Variants in LNX2 observed in about 807,000 individuals in gnomAD.
LNX2 encodes the protein ligand of Numb protein X 2.
LNX2 carries 35 observed loss-of-function variants against 66.2 expected under a neutral mutation model. That is an observed-to-expected ratio of 0.53 (90% CI 0.40 to 0.70). The LOEUF is 0.70. LNX2 is among the 30% of genes least tolerant of loss of function. The pLI, the probability that LNX2 is intolerant of heterozygous loss-of-function variation, is 0.00. For missense variants in LNX2, 791 were observed against 850.8 expected (o/e 0.93, Z 0.87); for synonymous variants, 337 against 315.6 (o/e 1.07, Z -0.72).
intron 1 of LNX2, among the ~76,000 whole-genome samples, chr13:27,583,164 G>GCAGCAGT (rs1955421934): frequency 7.0e-6 from 1 of 143,222 alleles, no homozygotes; most frequent in African/African-American, 2.6e-5. Context: ...CTTACTCAGA[G>GCAGCAGT]CAGCAGTGTG....
intron 1 of LNX2, among the ~76,000 whole-genome samples, chr13:27,583,864 G>C (rs1955453199): frequency 6.6e-6 from 1 of 152,068 alleles, no homozygotes; most frequent in Non-Finnish European, 1.5e-5. Context: ...ACTATGGAGA[G>C]ACATGAAAAG....
intron 2 of LNX2, among the ~76,000 whole-genome samples, chr13:27,578,540 T>C (rs1241249327): frequency 6.6e-6 from 1 of 152,162 alleles, no homozygotes; most frequent in Non-Finnish European, 1.5e-5. Context: ...TCCTTGGATA[T>C]GGGTGGGTTT....
chr13:27,546,948 G>C lies in LNX2; in HGVS notation c.*1387C>G, dbSNP rs1333140622. ...AAATATGAAATAGTCTAGTGACTGA[G>C]AGCTGACTGAAAGATACATCTAAAA... On this transcript the variant is annotated 3_prime_UTR_variant, in exon 10 of 10. Transcript: ENST00000316334. The C allele has an allele frequency of 6.6e-6, 1 of 152,112 alleles. No individual in the cohort carries two copies. Among genetic ancestry groups the C allele is most frequent in the African/African-American group, 2.4e-5 (1 of 41,440 alleles). The allele number at this position is 152,112 out of a possible 1,614,324, so 9.4% of individuals were successfully genotyped here. A position where few individuals can be genotyped will look rare whatever the true frequency, so the allele number is the denominator to read the frequency against.
chr13:27,601,090 G>T (rs1955653375), intron 1 of LNX2, among the ~76,000 whole-genome samples: 1 of 152,102 alleles, frequency 6.6e-6, no homozygotes, highest in Admixed American at 6.5e-5. Context: ...ATTACTACAG[G>T]CTGGACATTA....
chr13:27,556,868 C>T lies in LNX2; in HGVS notation c.1369-455G>A, dbSNP rs890490628. Among the ~76,000 whole-genome samples, 7 of 150,548 alleles carry T rather than the reference C, an allele frequency of 4.6e-5. No individual in the cohort carries two copies. The East Asian group carries it at 7.9e-4, about 17-fold the overall frequency. On this transcript the variant is annotated intron_variant, in intron 6 of 9. Transcript: ENST00000316334. Reference sequence around the variant, plus strand: ...TTGGCAACTGCCAGAAAAAGGTCATCGACCTATCTCCTGATTCTCACTGAC... The same window carrying T: ...TTGGCAACTGCCAGAAAAAGGTCATTGACCTATCTCCTGATTCTCACTGAC...
At chr13:27,578,302 A>G (rs1419564252) in intron 2 of LNX2, among the ~76,000 whole-genome samples, 1 of 152,216 alleles carries the variant, frequency 6.6e-6, no homozygotes, top group African/African-American at 2.4e-5. Context: ...CTTTTATACA[A>G]TGACTCTTTG....
chr13:27,567,601 C>A, intron 4 of LNX2, 39 bp downstream of exon 4: 1 of 1,574,520 alleles, frequency 6.4e-7, no homozygotes, highest in Non-Finnish European at 8.7e-7. Context: ...AAGAATGGAA[C>A]AAAAAGGCAC....
intron 1 of LNX2, among the ~76,000 whole-genome samples, chr13:27,609,973 T>C (rs1955756865): frequency 6.6e-6 from 1 of 152,250 alleles, no homozygotes; most frequent in Non-Finnish European, 1.5e-5. Context: ...AATTAGTCTA[T>C]TGAAGTATCA....
intron 5 of LNX2, among the ~76,000 whole-genome samples, 191 bp downstream of exon 5, chr13:27,562,222 T>C (rs1955143807): frequency 6.6e-6 from 1 of 152,216 alleles, no homozygotes; most frequent in Admixed American, 6.5e-5. Context: ...CACAGGGATA[T>C]AGTTTTTAGA....
At chr13:27,583,971 G>A (rs1380253401) in intron 1 of LNX2, among the ~76,000 whole-genome samples, 1 of 152,092 alleles carries the variant, frequency 6.6e-6, no homozygotes, top group African/African-American at 2.4e-5. Context: ...ATCAGCCAGA[G>A]AGAAAAAATG....
intron 1 of LNX2, among the ~76,000 whole-genome samples, chr13:27,602,537 G>GTATA (rs34094717): frequency 0.57 from 86,807 of 151,466 alleles, 25,974 homozygotes; most frequent in African/African-American, 0.75. Flanking sequence ...CTATGCTGTG[G>GTATA]TATATATCAG....
intron 1 of LNX2, among the ~76,000 whole-genome samples, chr13:27,604,814 T>C (rs1955696476): frequency 6.6e-6 from 1 of 151,106 alleles, no homozygotes; most frequent in Non-Finnish European, 1.5e-5. Context: ...TAAATTGCCA[T>C]TTCCTATTGA....
chr13:27,572,396 T>A (rs1050883070), intron 2 of LNX2, among the ~76,000 whole-genome samples: 1 of 152,118 alleles, frequency 6.6e-6, no homozygotes, highest in Non-Finnish European at 1.5e-5. Context: ...TCTAATTAGA[T>A]TGAGGTAGGC....
intron 1 of LNX2, among the ~76,000 whole-genome samples, chr13:27,604,233 G>A (rs540402552): frequency 2.0e-5 from 3 of 152,188 alleles, no homozygotes; most frequent in Non-Finnish European, 4.4e-5. Flanking sequence ...GCGACAGAGC[G>A]AGACTCCGTC....
rs60116991 is a variant in LNX2, at chr13:27,583,257, C to T, written c.-100-1454G>A. On this transcript the variant is annotated intron_variant, in intron 1 of 9. Transcript: ENST00000316334. ...GTGTGTGTGTGTGTGTGTGTGTGTGCGCGCGTCCTCTCCAACATACTTATT... is the reference window on the plus strand; with the variant it reads ...GTGTGTGTGTGTGTGTGTGTGTGTGTGCGCGTCCTCTCCAACATACTTATT... 9.4e-4 allele frequency among the ~76,000 whole-genome samples: 25 copies of T among 26,670 alleles called. 2 individuals are homozygous for T. Among genetic ancestry groups the T allele is most frequent in the Admixed American group, 3.0e-3 (8 of 2,708 alleles). The allele number at this position is 26,670 out of a possible 152,430, so 17.5% of individuals were successfully genotyped here.
chr13:27,586,863 A>G (rs1035361913), intron 1 of LNX2, among the ~76,000 whole-genome samples: 3 of 152,196 alleles, frequency 2.0e-5, no homozygotes, highest in Non-Finnish European at 2.9e-5. Context: ...ATTTAAAATA[A>G]TATCTTGAAA....
At chr13:27,598,747 T>G (rs984976758) in intron 1 of LNX2, among the ~76,000 whole-genome samples, 1 of 152,162 alleles carries the variant, frequency 6.6e-6, no homozygotes, top group African/African-American at 2.4e-5. Flanking sequence ...TACCTAGTAC[T>G]TACAGTATAG....
intron 1 of LNX2, among the ~76,000 whole-genome samples, chr13:27,601,158 A>G (rs74607981): frequency 4.3e-4 from 65 of 152,348 alleles, no homozygotes; most frequent in Non-Finnish European, 7.6e-4. Flanking sequence ...CCTATGAAGT[A>G]GTTACCATCA....
At position 27,609,903 on chromosome 13, in the gene LNX2, C is replaced by T. The variant is rs1486453913; in HGVS notation, c.-101+10472G>A. Reference sequence around the variant, plus strand: ...GTGCTAATAAATGTACTACATATACCGGAAAAAGAATAGGTCAGTGTCCCA... The same window carrying T: ...GTGCTAATAAATGTACTACATATACTGGAAAAAGAATAGGTCAGTGTCCCA... On this transcript the variant is annotated intron_variant, in intron 1 of 9. Coordinates refer to ENST00000316334, the MANE Select transcript of LNX2 (RefSeq NM_153371.4). 1.6e-4 allele frequency among the ~76,000 whole-genome samples: 25 copies of T among 151,918 alleles called. 1 individual carries two copies. The highest frequency in any genetic ancestry group is 1.4e-3 in the Admixed American group (21 of 15,256).
Sources: allele counts gnomAD v4.1 joint callset (sites outside exome capture counted in the v4.1 genomes callset), GRCh38; gene constraint gnomAD v4.1.1; transcripts MANE v1.5; gene names NCBI Gene and HGNC (gene_info 2026-07-23, HGNC 2026-07-21).